The following AKR1C1 variants were observed in gnomAD, a reference collection of about 807,000 sequenced individuals.
AKR1C1 encodes the protein 20 alpha-hydroxysteroid dehydrogenase.
A neutral mutation model predicts 40.6 loss-of-function variants in AKR1C1; 32 were observed. The ratio of observed to expected loss-of-function variants is 0.79; its 90% CI spans 0.60 to 1.06. AKR1C1 has a LOEUF of 1.06. Among genes scored for constraint, AKR1C1 ranks in the 50% least tolerant of loss-of-function variants. The pLI is 0.00. For synonymous variants in AKR1C1, 105 were observed against 134.2 expected (o/e 0.78, Z 1.50); for missense variants, 320 against 363.5 (o/e 0.88, Z 0.97).
chr10:4,975,880 G>T lies in AKR1C1; in HGVS notation c.876G>T (p.Glu292Asp), dbSNP rs1554770400. The change falls in exon 8 of 9, where the codon GAG becomes GAT. Residue 292 changes from glutamate to aspartate, a missense_variant. Physicochemically the swap from Glu to Asp is conservative, Grantham distance 45. Around this residue, in one of 3 missense-constraint regions of AKR1C1, gnomAD observed 29 missense variants for 23.4 expected, o/e 1.24. Transcript: ENST00000380872. Reference sequence around the variant, plus strand: ...TTGAATTCCAGTTGACTTCAGAGGAGATGAAAGCCATAGATGGCCTAAACA... The same window carrying T: ...TTGAATTCCAGTTGACTTCAGAGGATATGAAAGCCATAGATGGCCTAAACA... ...QVFEFQLTSE[E>D]MKAIDGLNRN... 1 of 535,714 alleles carries T rather than the reference G, an allele frequency of 1.9e-6. No individual in the cohort carries two copies. The highest frequency in any genetic ancestry group is 3.3e-6 in the Non-Finnish European group (1 of 307,376). The allele number at this position is 535,714 out of a possible 1,614,324, so 33.2% of individuals were successfully genotyped here.
Position 4,966,054 on chromosome 10 carries a change from G to C in AKR1C1, c.225G>C (p.Lys75Asn). Residue 75 changes from lysine to asparagine, a missense_variant, in exon 2 of 9, where the codon AAG becomes AAC. Physicochemically the swap from Lys to Asn is moderately conservative, Grantham distance 94. Coordinates refer to ENST00000380872, the MANE Select transcript of AKR1C1 (RefSeq NM_001353.6). The part of the protein sequence containing the change: ...IRSKIADGSV[K>N]REDIFYTSKL... ...GCAAGATTGCAGATGGCAGTGTGAA[G>C]AGAGAAGACATATTCTACACTTCAA... 1 of 1,614,112 alleles carries C rather than the reference G, an allele frequency of 6.2e-7. No individual in the cohort carries two copies. Among genetic ancestry groups the C allele is most frequent in the South Asian group, 1.1e-5 (1 of 91,052 alleles).
rs1371957207 is a variant in AKR1C1 at position 4,980,276 on chromosome 10, G to GC, written c.*2536dup. ...CCAAATGTCATTAAAAAAAAATCAC[G>GC]CCACCTCACAAAATGGTAACAGTGG... On this transcript the variant is annotated 3_prime_UTR_variant, in exon 9 of 9. Coordinates refer to ENST00000380872, the MANE Select transcript of AKR1C1 (RefSeq NM_001353.6). 2.7e-5 allele frequency: 4 copies of GC among 146,470 alleles called. No individual in the cohort carries two copies. In the Admixed American group the frequency reaches 2.8e-4, roughly 10 times the overall value. 9.1% of individuals were successfully genotyped at this position (146,470 alleles called of 1,614,324 possible).
chr10:4,979,776 A>G lies in AKR1C1; in HGVS notation c.*2034A>G, dbSNP rs1201377988. The G allele has an allele frequency of 6.6e-6, 1 of 151,948 alleles. No individual in the cohort carries two copies. The highest frequency in any genetic ancestry group is 1.5e-5 in the Non-Finnish European group (1 of 67,988). 9.4% of individuals were successfully genotyped at this position (151,948 alleles called of 1,614,324 possible). A position where few individuals can be genotyped will look rare whatever the true frequency, so the allele number is the denominator to read the frequency against. On this transcript the variant is annotated 3_prime_UTR_variant, in exon 9 of 9. Coordinates refer to ENST00000380872, the MANE Select transcript of AKR1C1 (RefSeq NM_001353.6). The stretch of plus-strand genomic sequence containing the variant: ...ATAAAGCCAAACACCTGATTTCAGG[A>G]ACACTTGAGATGTAAGAAAATTTTA...
In AKR1C1 at chr10:4,978,533, G is replaced by T. The variant is rs1139140; in HGVS notation, c.*791G>T. 1 of 152,206 alleles carries T rather than the reference G, an allele frequency of 6.6e-6. No individual in the cohort carries two copies. Among genetic ancestry groups the T allele is most frequent in the East Asian group, 1.9e-4 (1 of 5,178 alleles). The allele number at this position is 152,206 out of a possible 1,614,324, so 9.4% of individuals were successfully genotyped here. A position where few individuals can be genotyped will look rare whatever the true frequency, so the allele number is the denominator to read the frequency against. ...CCCATTCACAACGTTGACCCTATTGGTTTGTGGTGGGGCAGGGCATCAAAG... is the reference window on the plus strand; with the variant it reads ...CCCATTCACAACGTTGACCCTATTGTTTTGTGGTGGGGCAGGGCATCAAAG... On this transcript the variant is annotated 3_prime_UTR_variant, in exon 9 of 9. Transcript: ENST00000380872.
At position 4,982,896 on chromosome 10, in the gene AKR1C1, G is replaced by A. The variant is rs1171409163; in HGVS notation, c.*5154G>A. On this transcript the variant is annotated 3_prime_UTR_variant, in exon 9 of 9. Coordinates refer to ENST00000380872, the MANE Select transcript of AKR1C1 (RefSeq NM_001353.6). Reference sequence around the variant, plus strand: ...GCGTACCACACCCTGACCAGTCAGAGGTCTTGAGTCGGTCCGCATGACAAG... The same window carrying A: ...GCGTACCACACCCTGACCAGTCAGAAGTCTTGAGTCGGTCCGCATGACAAG... 2 of 440,628 alleles carry A rather than the reference G, an allele frequency of 4.5e-6. No individual in the cohort carries two copies. Among genetic ancestry groups the A allele is most frequent in the Non-Finnish European group, 9.1e-6 (2 of 219,516 alleles). The allele number at this position is 440,628 out of a possible 1,614,324, so 27.3% of individuals were successfully genotyped here. A position where few individuals can be genotyped will look rare whatever the true frequency, so the allele number is the denominator to read the frequency against.
chr10:4,968,531 A>T, intron 4 of AKR1C1, 145 bp downstream of exon 4: 1 of 1,534,184 alleles, frequency 6.5e-7, no homozygotes, highest in Non-Finnish European at 8.9e-7. Context: ...AGCAGTGAGG[A>T]AAAAGAAATG....
chr10:4,970,029 A>T, intron 5 of AKR1C1: 1 of 353,276 alleles, frequency 2.8e-6, no homozygotes, highest in Non-Finnish European at 5.3e-6. Context: ...AATACTGGAG[A>T]CCCATGTTAC....
chr10:4,967,017 C>T lies in AKR1C1; in HGVS notation c.343C>T (p.Leu115Phe). 6.2e-7 allele frequency: 1 copy of T among 1,613,848 alleles called. No homozygotes were observed. Among genetic ancestry groups the T allele is most frequent in the South Asian group, 1.1e-5 (1 of 91,060 alleles). ...NLQLDYVDLY[L>F]IHFPVSVKPG... is the part of the protein sequence containing the mutation. ...TCAATTGGATTATGTTGACCTCTAC[C>T]TTATTCATTTTCCAGTGTCTGTAAA... The change falls in exon 3 of 9, where the codon CTT (leucine) becomes TTT (phenylalanine). Residue 115 changes from leucine (L) to phenylalanine (F), a missense_variant. Around this residue, in one of 3 missense-constraint regions of AKR1C1, gnomAD observed 214 missense variants for 214.8 expected, o/e 1.00. Coordinates refer to ENST00000380872, the MANE Select transcript of AKR1C1 (RefSeq NM_001353.6).
rs1487914519 is a variant in AKR1C1, at chr10:4,972,553, A to G, written c.681-31A>G. On this transcript the variant is annotated intron_variant, in intron 6 of 8. Coordinates refer to ENST00000380872, the MANE Select transcript of AKR1C1 (RefSeq NM_001353.6). ...CCTAACAAACTGTATCCCCAGCCTC[A>G]GGGCCTCAGCCTTTCTGCCTTTCCT... 1.9e-6 allele frequency: 3 copies of G among 1,611,230 alleles called. No homozygotes were observed. In the African/African-American group the frequency reaches 4.0e-5, roughly 21 times the overall value.
At chr10:4,967,274 CA>C in intron 3 of AKR1C1, 4 of 1,092,610 alleles carry the variant, frequency 3.7e-6, no homozygotes, top group Non-Finnish European at 1.2e-6. Flanking sequence ...GCCTCTGCCT[CA>C]AAAACTTGAG....
chr10:4,965,167 G>A (rs1836311507), intron 1 of AKR1C1, among the ~76,000 whole-genome samples: 2 of 152,196 alleles, frequency 1.3e-5, no homozygotes, highest in Non-Finnish European at 2.9e-5. Flanking sequence ...AGTGCATTCT[G>A]TGCAATATGG....
chr10:4,981,505 C>G lies in AKR1C1; in HGVS notation c.*3763C>G, dbSNP rs1836614522. The G allele has an allele frequency of 6.6e-6, 1 of 152,064 alleles. No individual in the cohort carries two copies. Among genetic ancestry groups the G allele is most frequent in the African/African-American group, 2.4e-5 (1 of 41,406 alleles). The allele number at this position is 152,064 out of a possible 1,614,324, so 9.4% of individuals were successfully genotyped here. On this transcript the variant is annotated 3_prime_UTR_variant, in exon 9 of 9. Transcript: ENST00000380872. ...GGGAGGCAGTGTGAGCATGCCTCTC[C>G]CACTTGGAGATTAGTGTGTAGAGAT... is the stretch of plus-strand genomic sequence containing the variant.
intron 2 of AKR1C1, among the ~76,000 whole-genome samples, chr10:4,966,590 A>C (rs990777137): frequency 6.6e-6 from 1 of 152,198 alleles, no homozygotes. Flanking sequence ...AATCTTGCCC[A>C]TTGGGCTGAA....
rs1836581900 is a variant in AKR1C1 at position 4,979,461 on chromosome 10, C to G, written c.*1719C>G. 1 of 152,074 alleles carries G rather than the reference C, an allele frequency of 6.6e-6. No individual in the cohort carries two copies. The highest frequency in any genetic ancestry group is 2.1e-4 in the South Asian group (1 of 4,820). The allele number at this position is 152,074 out of a possible 1,614,324, so 9.4% of individuals were successfully genotyped here. ...GTAAACCATGGCCATCCTGTTCTAC[C>G]TTAACTTTCTGAGTCTATGGAATGA... On this transcript the variant is annotated 3_prime_UTR_variant, in exon 9 of 9. Coordinates refer to ENST00000380872, the MANE Select transcript of AKR1C1 (RefSeq NM_001353.6).
chr10:4,969,519 T>C (rs1262063658), intron 5 of AKR1C1, among the ~76,000 whole-genome samples: 1 of 151,856 alleles, frequency 6.6e-6, no homozygotes, highest in Non-Finnish European at 1.5e-5. Flanking sequence ...ATGGGAGATA[T>C]CTGTTCACAG....
Position 4,978,038 on chromosome 10 carries a change from T to C in AKR1C1, c.*296T>C. On this transcript the variant is annotated 3_prime_UTR_variant, in exon 9 of 9. Transcript: ENST00000380872. ...GTGCCCCTAAATTGTGATTTGCCTA[T>C]ACGTTTAGGGCCGGGGTTGGAAGAT... 2.3e-6 allele frequency: 1 copy of C among 426,602 alleles called. No homozygotes were observed. Among genetic ancestry groups the C allele is most frequent in the Admixed American group, 4.7e-5 (1 of 21,392 alleles). The allele number at this position is 426,602 out of a possible 1,614,324, so 26.4% of individuals were successfully genotyped here. A position where few individuals can be genotyped will look rare whatever the true frequency, so the allele number is the denominator to read the frequency against.
At chr10:4,965,063 T>C (rs1836309365) in intron 1 of AKR1C1, among the ~76,000 whole-genome samples, 1 of 152,212 alleles carries the variant, frequency 6.6e-6, no homozygotes, top group Non-Finnish European at 1.5e-5. Flanking sequence ...ATGTAACCAG[T>C]CCCAGACAAA....
intron 5 of AKR1C1, chr10:4,969,771 A>C (rs1836394988): frequency 1.9e-6 from 3 of 1,603,044 alleles, no homozygotes; most frequent in Non-Finnish European, 2.6e-6. Flanking sequence ...ACATTTCAGC[A>C]TTAAAGTTAC....
chr10:4,979,406 C>G lies in AKR1C1; in HGVS notation c.*1664C>G, dbSNP rs1297034710. On this transcript the variant is annotated 3_prime_UTR_variant, in exon 9 of 9. Transcript: ENST00000380872. Reference sequence around the variant, plus strand: ...TCCATGTTAAAGTCTAATGGACATTCACACTTAGCATGTCTCAAAGAAATC... The same window carrying G: ...TCCATGTTAAAGTCTAATGGACATTGACACTTAGCATGTCTCAAAGAAATC... 1 of 152,172 alleles carries G rather than the reference C, an allele frequency of 6.6e-6. No individual in the cohort carries two copies. The highest frequency in any genetic ancestry group is 2.4e-5 in the African/African-American group (1 of 41,426). 9.4% of individuals were successfully genotyped at this position (152,172 alleles called of 1,614,324 possible).
Sources: gnomAD v4.1 joint callset for allele counts (sites outside exome capture counted in the v4.1 genomes callset) on GRCh38, gnomAD v4.1.1 for gene constraint, gnomAD v4.1.1 regional missense constraint, MANE v1.5 for transcripts, NCBI Gene and HGNC (gene_info 2026-07-23, HGNC 2026-07-21) for gene names.